PRDM11: variants seen among roughly 807,000 people sequenced by gnomAD.
The protein encoded by PRDM11 is PR domain-containing protein 11.
PRDM11 carries 20 observed loss-of-function variants against 97.8 expected under a neutral mutation model. The ratio of observed to expected loss-of-function variants is 0.20; its 90% CI spans 0.14 to 0.30. The LOEUF (loss-of-function observed/expected upper bound fraction) is 0.30. Among genes scored for constraint, PRDM11 ranks in the 10% least tolerant of loss-of-function variants. PRDM11 has a pLI of 1.00. For synonymous variants in PRDM11, 599 were observed against 637.7 expected, an observed-to-expected ratio of 0.94 and a Z score of 0.91; for missense variants, 1,139 against 1,555.2, an observed-to-expected ratio of 0.73 and a Z score of 4.50.
chr11:45,107,723 T>C (rs67712140), intron 1 of PRDM11, among the ~76,000 whole-genome samples: 12,176 of 152,222 alleles, frequency 0.08, 525 homozygotes, highest in Non-Finnish European at 0.099. Flanking sequence ...TAGTGTTAAA[T>C]GAACTGATAG....
At chr11:45,124,812 T>C (rs1401221749) in intron 1 of PRDM11, among the ~76,000 whole-genome samples, 1 of 152,240 alleles carries the variant, frequency 6.6e-6, no homozygotes, top group African/African-American at 2.4e-5. Flanking sequence ...GTTTTGGTTA[T>C]GTCTCTGCCA....
rs1226156906 is a variant in PRDM11 at position 45,227,437 on chromosome 11, C to T, written c.2812C>T (p.Arg938Ter). 3.9e-6 allele frequency: 6 copies of T among 1,533,724 alleles called. No individual in the cohort carries two copies. Among genetic ancestry groups the T allele is most frequent in the Non-Finnish European group, 4.4e-6 (5 of 1,146,738 alleles). The change falls in exon 8 of 8, where the codon CGA (arginine) becomes TGA (stop). Residue 938 changes from arginine to a stop codon, truncating the protein, a stop_gained. Coordinates refer to ENST00000683152, the MANE Select transcript of PRDM11 (RefSeq NM_001384648.1). LOFTEE classifies it high-confidence loss of function. This position sits in a 1 kb window ranked among gnomAD's most constrained non-coding sequence, Gnocchi z 8.0. ...EYLQEFEENF[R>*]ESFNGIAMKN... ...CCTGCAGGAGTTCGAGGAGAATTTC[C>T]GAGAGAGCTTCAACGGGATCGCCAT...
intron 5 of PRDM11, chr11:45,213,020 C>T (rs962027557): frequency 5.1e-5 from 21 of 411,934 alleles, no homozygotes; most frequent in African/African-American, 2.6e-4. Context: ...TACCAGGTCT[C>T]GGAAGAGAAA....
intron 1 of PRDM11, among the ~76,000 whole-genome samples, chr11:45,151,803 A>G (rs962811407): frequency 3.3e-5 from 5 of 152,210 alleles, no homozygotes; most frequent in Admixed American, 6.5e-5. Context: ...GGCCCAGGGC[A>G]TGGCTTGTCC....
chr11:45,218,028 C>T (rs984351074), intron 5 of PRDM11, among the ~76,000 whole-genome samples: 1 of 152,158 alleles, frequency 6.6e-6, no homozygotes, highest in African/African-American at 2.4e-5. Flanking sequence ...TCCTATTGTT[C>T]TCACACTATC....
intron 5 of PRDM11, chr11:45,213,343 A>G (rs759806750): frequency 2.2e-6 from 1 of 454,638 alleles, no homozygotes; most frequent in South Asian, 1.6e-5. Context: ...CCTTGCAGGG[A>G]GGGGGGCGCA....
rs1211925933 is a variant in PRDM11, at chr11:45,219,291, G to A, written c.555-279G>A. 3.9e-5 allele frequency among the ~76,000 whole-genome samples: 6 copies of A among 152,158 alleles called. No individual in the cohort carries two copies. The highest frequency in any genetic ancestry group is 5.9e-5 in the Non-Finnish European group (4 of 68,026). Reference sequence around the variant, plus strand: ...AGTTGATATATTTTCCATATGGTGTGAGGCAGGCAGGGCAGGTGTCATATC... The same window carrying A: ...AGTTGATATATTTTCCATATGGTGTAAGGCAGGCAGGGCAGGTGTCATATC... On this transcript the variant is annotated intron_variant, in intron 5 of 7. Coordinates refer to ENST00000683152, the MANE Select transcript of PRDM11 (RefSeq NM_001384648.1). The surrounding 1 kb of genome is among the most constrained non-coding windows in gnomAD (Gnocchi z 4.2).
At chr11:45,195,332 T>C (rs1853079875) in intron 4 of PRDM11, among the ~76,000 whole-genome samples, 1 of 152,214 alleles carries the variant, frequency 6.6e-6, no homozygotes, top group Non-Finnish European at 1.5e-5. Flanking sequence ...TCCTGTATCC[T>C]CTGGCTGTCG....
intron 4 of PRDM11, among the ~76,000 whole-genome samples, chr11:45,193,212 G>A (rs987561548): frequency 2.0e-5 from 3 of 152,210 alleles, no homozygotes; most frequent in Admixed American, 2.0e-4. Context: ...GAGTAGCTGC[G>A]ATCACAGGAG....
chr11:45,095,972 T>C, intron 1 of PRDM11: 1 of 742,098 alleles, frequency 1.3e-6, no homozygotes. Flanking sequence ...CTCCCTGGAA[T>C]ACTCTTCCTC....
chr11:45,094,722 CGGAAGGAGGGAG>C (rs1851862029), upstream of PRDM11, among the ~76,000 whole-genome samples: 1 of 72,002 alleles, frequency 1.4e-5, no homozygotes, highest in Non-Finnish European at 2.5e-5. Context: ...GAGGAAAAGA[CGGAAGGAGGGAG>C]GGAAGGAGGG....
intron 1 of PRDM11, among the ~76,000 whole-genome samples, chr11:45,136,971 C>T (rs1214712925): frequency 1.4e-5 from 2 of 139,006 alleles, no homozygotes; most frequent in African/African-American, 5.7e-5. Context: ...GGTGAAACCC[C>T]TATCTCTACT....
At chr11:45,133,371 T>C (rs1852762769) in intron 1 of PRDM11, among the ~76,000 whole-genome samples, 2 of 152,250 alleles carry the variant, frequency 1.3e-5, no homozygotes, top group South Asian at 4.1e-4. Context: ...AACCCTATTG[T>C]CCACTTTCTC....
upstream of PRDM11, among the ~76,000 whole-genome samples, chr11:45,146,012 C>A (rs1851499327): frequency 6.6e-6 from 1 of 152,196 alleles, no homozygotes; most frequent in South Asian, 2.1e-4. Context: ...TTCTCAGAAT[C>A]TCTCTCCCTC....
intron 4 of PRDM11, among the ~76,000 whole-genome samples, chr11:45,197,518 T>G (rs1459795192): frequency 6.6e-6 from 1 of 152,110 alleles, no homozygotes; most frequent in Non-Finnish European, 1.5e-5. Context: ...ATAATAATAA[T>G]AAGAGCAGGA....
intron 1 of PRDM11, among the ~76,000 whole-genome samples, chr11:45,105,529 A>G (rs1439442171): frequency 6.6e-6 from 1 of 152,232 alleles, no homozygotes; most frequent in Non-Finnish European, 1.5e-5. Flanking sequence ...AAGCCACCTC[A>G]TCACTGTGAG....
intron 1 of PRDM11, among the ~76,000 whole-genome samples, chr11:45,126,524 C>T (rs1269154081): frequency 1.3e-5 from 2 of 152,106 alleles, no homozygotes; most frequent in Non-Finnish European, 2.9e-5. Flanking sequence ...TCTTTTACGG[C>T]AGGCCTGGTG....
At chr11:45,164,195 A>G (rs762983044) in intron 1 of PRDM11, among the ~76,000 whole-genome samples, 79 of 152,296 alleles carry the variant, frequency 5.2e-4, no homozygotes, top group Non-Finnish European at 8.4e-4. Context: ...GGTGGAGTGT[A>G]TCCAGCATCC....
intron 1 of PRDM11, among the ~76,000 whole-genome samples, chr11:45,157,339 T>C (rs55646648): frequency 0.18 from 27,364 of 152,092 alleles, 3,048 homozygotes; most frequent in Non-Finnish European, 0.25. Context: ...AGCACACTCC[T>C]AGAGCCCTCG....
Sources: gnomAD v4.1 joint callset for allele counts (sites outside exome capture counted in the v4.1 genomes callset) on GRCh38, gnomAD v4.1.1 for gene constraint, Gnocchi (gnomAD v3.1) non-coding constraint, MANE v1.5 for transcripts, NCBI Gene and HGNC (gene_info 2026-07-23, HGNC 2026-07-21) for gene names.